Variants in MTMR2 observed in about 807,000 individuals in gnomAD.
The protein encoded by MTMR2 is myotubularin related protein 2.
In MTMR2, 55 loss-of-function variants were observed where a neutral mutation model predicts 86.9. The observed-to-expected ratio is 0.63, with a 90% CI of 0.51 to 0.79. The LOEUF (loss-of-function observed/expected upper bound fraction) is 0.79. MTMR2 is among the 30% of genes least tolerant of loss of function. The pLI, the probability that MTMR2 is intolerant of heterozygous loss-of-function variation, is 0.00. For missense variants in MTMR2, 659 were observed against 772.3 expected, an observed-to-expected ratio of 0.85 and a Z score of 1.74; for synonymous variants, 241 against 266.8, an observed-to-expected ratio of 0.90 and a Z score of 0.94.
At chr11:95,876,918 G>A (rs1275575241) in intron 2 of MTMR2, among the ~76,000 whole-genome samples, 1 of 151,996 alleles carries the variant, frequency 6.6e-6, no homozygotes, top group Non-Finnish European at 1.5e-5. Flanking sequence ...CGATCTAGAA[G>A]TTGGCAAGTT....
intron 7 of MTMR2, among the ~76,000 whole-genome samples, chr11:95,853,587 A>C (rs1864102663): frequency 6.6e-6 from 1 of 152,104 alleles, no homozygotes; most frequent in South Asian, 2.1e-4. Flanking sequence ...AGTCTATATC[A>C]AACGTCTTTC....
chr11:95,895,043 T>C (rs1370612758), intron 1 of MTMR2, among the ~76,000 whole-genome samples: 1 of 151,982 alleles, frequency 6.6e-6, no homozygotes, highest in Non-Finnish European at 1.5e-5. Context: ...GCCCTTTCTA[T>C]ATACAAAACA....
chr11:95,910,461 T>C (rs1161629547), intron 1 of MTMR2, among the ~76,000 whole-genome samples: 1 of 152,058 alleles, frequency 6.6e-6, no homozygotes, highest in African/African-American at 2.4e-5. Flanking sequence ...ATATACACTT[T>C]AGAGTATATA....
At chr11:95,845,246 CATT>C (rs1037261406) in intron 10 of MTMR2, 87 bp from the exon 11 acceptor site, 51 of 1,107,220 alleles carry the variant, frequency 4.6e-5, no homozygotes, top group South Asian at 4.5e-4. Flanking sequence ...TATCAGGGAT[CATT>C]ATTTCAATAA....
In MTMR2 at chr11:95,836,915, A is replaced by G. The variant is rs537166204; in HGVS notation, c.1594-591T>C. Among the ~76,000 whole-genome samples the G allele has an allele frequency of 5.9e-5, 9 of 152,118 alleles. No individual in the cohort carries two copies. In the South Asian group the frequency reaches 1.9e-3, roughly 32 times the overall value. ...GGTGATGAAATGTTCTGAAATGAAA[A>G]TGTGATGGCTGTACAACTCAGATAT... On this transcript the variant is annotated intron_variant, in intron 13 of 14. Coordinates refer to ENST00000346299, the MANE Select transcript of MTMR2 (RefSeq NM_016156.6).
At chr11:95,910,863 T>C (rs1866479287) in intron 1 of MTMR2, among the ~76,000 whole-genome samples, 1 of 152,042 alleles carries the variant, frequency 6.6e-6, no homozygotes, top group Non-Finnish European at 1.5e-5. Flanking sequence ...CTATTAGTCA[T>C]TCTGTTGAAG....
intron 1 of MTMR2, among the ~76,000 whole-genome samples, chr11:95,902,168 C>T (rs1298982536): frequency 6.6e-6 from 1 of 152,146 alleles, no homozygotes; most frequent in Admixed American, 6.5e-5. Flanking sequence ...CTCTCTGAAT[C>T]TCAGTTTCTT....
intron 2 of MTMR2, among the ~76,000 whole-genome samples, chr11:95,876,235 C>T (rs993567277): frequency 2.0e-5 from 3 of 152,050 alleles, no homozygotes; most frequent in Admixed American, 1.3e-4. Context: ...CCTTGAGCTG[C>T]GGTGGGCTCC....
chr11:95,837,425 TA>T (rs2135405405), intron 13 of MTMR2, among the ~76,000 whole-genome samples: 1 of 152,106 alleles, frequency 6.6e-6, no homozygotes, highest in African/African-American at 2.4e-5. Flanking sequence ...TTTTTTAGAA[TA>T]AAAGTTGATG....
At chr11:95,873,443 C>A (rs532178557) in intron 2 of MTMR2, among the ~76,000 whole-genome samples, 1 of 152,136 alleles carries the variant, frequency 6.6e-6, no homozygotes, top group Admixed American at 6.5e-5. Context: ...TCTGTGGGAT[C>A]GGTGGTGATC....
chr11:95,844,904 C>T lies in MTMR2; in HGVS notation c.1386+49G>A, dbSNP rs191940048. The T allele has an allele frequency of 2.2e-4, 321 of 1,470,514 alleles. No homozygotes were observed. In the African/African-American group the frequency reaches 3.8e-3, roughly 17 times the overall value. 91.1% of individuals were successfully genotyped at this position (1,470,514 alleles called of 1,614,324 possible). ...TAAAAAACACATTTTTTTCACATGC[C>T]TTGGCATGAATGCATGTGATATATC... On this transcript the variant is annotated intron_variant, in intron 11 of 14. Transcript: ENST00000346299.
At chr11:95,856,333 CTTT>C (rs11454567) in intron 7 of MTMR2, among the ~76,000 whole-genome samples, 1 of 145,274 alleles carries the variant, frequency 6.9e-6, no homozygotes, top group Non-Finnish European at 1.5e-5. Context: ...TTACCACTTC[CTTT>C]TTTTTTTTTA....
At chr11:95,922,383 G>A (rs1866960217) in intron 1 of MTMR2, among the ~76,000 whole-genome samples, 1 of 152,076 alleles carries the variant, frequency 6.6e-6, no homozygotes, top group Non-Finnish European at 1.5e-5. Context: ...CATAAAATTC[G>A]AATTTTCCAA....
Position 95,849,770 on chromosome 11 carries a change from ATCT to A in MTMR2, c.894_896del (p.Glu298del), listed in dbSNP as rs1249269492. 1.9e-6 allele frequency: 3 copies of A among 1,613,968 alleles called. No individual in the cohort carries two copies. The highest frequency in any genetic ancestry group is 2.5e-6 in the Non-Finnish European group (3 of 1,179,964). On this transcript the variant is annotated inframe_deletion, in exon 9 of 15. Coordinates refer to ENST00000346299, the MANE Select transcript of MTMR2 (RefSeq NM_016156.6). ...CCATGATAGCTTGAAGGTATTTTTC[ATCT>A]TCTTTGCTTCGCTTTCCACTCACTC...
chr11:95,856,152 CA>C (rs1241810740), intron 7 of MTMR2, among the ~76,000 whole-genome samples: 4 of 152,046 alleles, frequency 2.6e-5, no homozygotes, highest in Admixed American at 6.6e-5. Flanking sequence ...CATATATACA[CA>C]AGCTTTGTAG....
chr11:95,922,457 A>G (rs898113739), intron 1 of MTMR2, among the ~76,000 whole-genome samples: 3 of 152,216 alleles, frequency 2.0e-5, no homozygotes, highest in Non-Finnish European at 4.4e-5. Flanking sequence ...ATTTCAAAGC[A>G]ATAAATACAG....
At chr11:95,874,790 G>A (rs1240436011) in intron 2 of MTMR2, among the ~76,000 whole-genome samples, 1 of 152,040 alleles carries the variant, frequency 6.6e-6, no homozygotes, top group Non-Finnish European at 1.5e-5. Context: ...GGCAGGCCTG[G>A]CGGTGACAAA....
chr11:95,904,545 T>C (rs987022568), intron 1 of MTMR2, among the ~76,000 whole-genome samples: 6 of 152,164 alleles, frequency 3.9e-5, no homozygotes, highest in Non-Finnish European at 2.9e-5. Flanking sequence ...TAAAACAGCA[T>C]GCGGTAAAGA....
chr11:95,891,948 T>C (rs1029414627), intron 1 of MTMR2, among the ~76,000 whole-genome samples: 1 of 152,066 alleles, frequency 6.6e-6, no homozygotes, highest in African/African-American at 2.4e-5. Context: ...TGTTAAAACT[T>C]CTGGTATAAA....
Sources: gnomAD v4.1 joint callset for allele counts (sites outside exome capture counted in the v4.1 genomes callset) on GRCh38, gnomAD v4.1.1 for gene constraint, MANE v1.5 for transcripts, NCBI Gene and HGNC (gene_info 2026-07-23, HGNC 2026-07-21) for gene names.